The following TP63 variants were observed in gnomAD, a reference collection of about 807,000 sequenced individuals.
TP63 encodes tumor protein 63.
Under a neutral mutation model 82.8 loss-of-function variants are expected in TP63, and 17 were observed. That is an observed-to-expected ratio of 0.21 (90% CI 0.14 to 0.31). The LOEUF (loss-of-function observed/expected upper bound fraction) is 0.31. Among genes scored for constraint, TP63 ranks in the 10% least tolerant of loss-of-function variants. The pLI is 1.00. For synonymous variants in TP63, 330 were observed against 321.7 expected, an observed-to-expected ratio of 1.03 and a Z score of -0.28; for missense variants, 648 against 895.3, an observed-to-expected ratio of 0.72 and a Z score of 3.52.
intron 1 of TP63, among the ~76,000 whole-genome samples, chr3:189,730,208 G>A (rs1720061321): frequency 1.3e-5 from 2 of 152,140 alleles, no homozygotes; most frequent in Admixed American, 1.3e-4. Context: ...GAGGGCTCAA[G>A]TTTCCTTGAG....
At chr3:189,717,133 T>A (rs1279050690) in intron 1 of TP63, among the ~76,000 whole-genome samples, 1 of 152,016 alleles carries the variant, frequency 6.6e-6, no homozygotes, top group Admixed American at 6.6e-5. Context: ...CACTATCAAT[T>A]GCAACAACTG....
intron 13 of TP63, 86 bp downstream of exon 13, chr3:189,890,968 G>A (rs1407039480): frequency 2.2e-6 from 3 of 1,374,836 alleles, no homozygotes; most frequent in Non-Finnish European, 2.0e-6. Flanking sequence ...ATCCCTGATA[G>A]TTTAAAAATT....
intron 3 of TP63, among the ~76,000 whole-genome samples, chr3:189,801,363 T>C (rs1726287805): frequency 6.6e-6 from 1 of 152,172 alleles, no homozygotes; most frequent in Admixed American, 6.5e-5. Flanking sequence ...GAATTAAAAA[T>C]TATTAAATAT....
At chr3:189,654,453 A>ATG (rs1393555448) in intron 1 of TP63, among the ~76,000 whole-genome samples, 2 of 152,188 alleles carry the variant, frequency 1.3e-5, no homozygotes, top group Non-Finnish European at 2.9e-5. Context: ...AAAGAAGCTC[A>ATG]TGTTACTATT....
chr3:189,601,861 C>T, the TP63 span, among the ~76,000 whole-genome samples: 28 of 152,122 alleles, frequency 1.8e-4, no homozygotes, highest in African/African-American at 6.8e-4. Context: ...CTTCCAGCTT[C>T]CAATAAGAAG....
intron 4 of TP63, among the ~76,000 whole-genome samples, chr3:189,826,492 A>T (rs1376586498): frequency 6.6e-6 from 1 of 152,222 alleles, no homozygotes; most frequent in Non-Finnish European, 1.5e-5. Context: ...TATTTGAGGG[A>T]AATATTCGTA....
Position 189,672,714 on chromosome 3 carries a change from AAGGCAGGC to A in TP63, c.62+41145_62+41152del, listed in dbSNP as rs879629061. Reference sequence around the variant, plus strand: ...GAAGGAAGGAAGGAAGGAAAGAAGGAAGGCAGGCAGGCAGGTAAAAAGAAGAAGAGATT... The same window carrying A: ...GAAGGAAGGAAGGAAGGAAAGAAGGAAGGCAGGTAAAAAGAAGAAGAGATT... On this transcript the variant is annotated intron_variant, in intron 1 of 13. Coordinates refer to ENST00000264731, the MANE Select transcript of TP63 (RefSeq NM_003722.5). Among the ~76,000 whole-genome samples, 758 of 144,354 alleles carry A rather than the reference AAGGCAGGC, an allele frequency of 5.3e-3. 2 individuals carry two copies. Among genetic ancestry groups the A allele is most frequent in the Middle Eastern group, 0.011 (3 of 266 alleles). The allele number at this position is 144,354 out of a possible 152,430, so 94.7% of individuals were successfully genotyped here.
chr3:189,605,220 C>G, the TP63 span, among the ~76,000 whole-genome samples: 3 of 152,188 alleles, frequency 2.0e-5, no homozygotes, highest in Non-Finnish European at 4.4e-5. Context: ...GAAGGAAACT[C>G]AGGCTTATAA....
intron 4 of TP63, among the ~76,000 whole-genome samples, chr3:189,825,067 A>T (rs1253521929): frequency 6.6e-6 from 1 of 152,224 alleles, no homozygotes; most frequent in Non-Finnish European, 1.5e-5. Flanking sequence ...AGAAGGTAAA[A>T]TGGTGTGTTT....
rs1160393755 is a variant in TP63 at position 189,682,545 on chromosome 3, AAAAAAAAAATATATATATATATATATAT to A, written c.62+50970_62+50997del. Among the ~76,000 whole-genome samples, 94 of 71,236 alleles carry A rather than the reference AAAAAAAAAATATATATATATATATATAT, an allele frequency of 1.3e-3. 1 individual carries two copies. The highest frequency in any genetic ancestry group is 5.1e-3 in the African/African-American group (83 of 16,332). 46.7% of individuals were successfully genotyped at this position (71,236 alleles called of 152,430 possible). A position where few individuals can be genotyped will look rare whatever the true frequency, so the allele number is the denominator to read the frequency against. On this transcript the variant is annotated intron_variant, in intron 1 of 13. Coordinates refer to ENST00000264731, the MANE Select transcript of TP63 (RefSeq NM_003722.5). The stretch of plus-strand genomic sequence containing the variant: ...GACTTGGTCCTAAGGGGAAAAAAAA[AAAAAAAAAATATATATATATATATATAT>A]ATATATATATATATATATATATCCT...
At chr3:189,607,027 C>T in the TP63 span, among the ~76,000 whole-genome samples, 1 of 151,938 alleles carries the variant, frequency 6.6e-6, no homozygotes, top group Non-Finnish European at 1.5e-5. Flanking sequence ...TTGGAGAGGC[C>T]CATGTGGTGA....
At chr3:189,833,503 T>C (rs1482078468) in intron 4 of TP63, among the ~76,000 whole-genome samples, 3 of 152,208 alleles carry the variant, frequency 2.0e-5, no homozygotes, top group Non-Finnish European at 4.4e-5. Flanking sequence ...GGGACTTATA[T>C]GTATTTTCAT....
chr3:189,871,536 T>G (rs1226161730), intron 9 of TP63, among the ~76,000 whole-genome samples: 1 of 151,910 alleles, frequency 6.6e-6, no homozygotes, highest in African/African-American at 2.4e-5. Context: ...CAACAAAAGG[T>G]GGAGAACATT....
At chr3:189,688,792 T>G (rs1165849639) in intron 1 of TP63, among the ~76,000 whole-genome samples, 5 of 152,210 alleles carry the variant, frequency 3.3e-5, no homozygotes, top group Admixed American at 2.6e-4. Flanking sequence ...GGATTTTTGT[T>G]TATAGCAGGT....
intron 3 of TP63, among the ~76,000 whole-genome samples, chr3:189,768,324 C>T (rs1385085209): frequency 6.6e-6 from 1 of 152,062 alleles, no homozygotes; most frequent in East Asian, 1.9e-4. Context: ...TTTAAATAAA[C>T]ACAATTTAAG....
chr3:189,620,506 CA>C, the TP63 span, among the ~76,000 whole-genome samples: 3 of 69,004 alleles, frequency 4.3e-5, no homozygotes, highest in East Asian at 1.2e-3. Flanking sequence ...AAGACTCCAT[CA>C]AAAAAAAAAC....
chr3:189,736,607 G>T (rs1720612816), intron 1 of TP63, among the ~76,000 whole-genome samples: 1 of 152,112 alleles, frequency 6.6e-6, no homozygotes, highest in African/African-American at 2.4e-5. Context: ...AGATGAGACA[G>T]TATTATACAC....
intron 1 of TP63, among the ~76,000 whole-genome samples, chr3:189,735,811 C>T (rs1216164565): frequency 3.9e-5 from 6 of 152,046 alleles, no homozygotes; most frequent in African/African-American, 1.2e-4. Flanking sequence ...CTACTCCACA[C>T]GTGTGATAAA....
intron 4 of TP63, among the ~76,000 whole-genome samples, chr3:189,827,735 A>G (rs1711626664): frequency 1.3e-5 from 2 of 152,202 alleles, no homozygotes; most frequent in African/African-American, 2.4e-5. Flanking sequence ...AAATGAGGCT[A>G]GAGAGAAGTC....
Sources: allele counts gnomAD v4.1 joint callset (sites outside exome capture counted in the v4.1 genomes callset), GRCh38; gene constraint gnomAD v4.1.1; transcripts MANE v1.5; gene names NCBI Gene and HGNC (gene_info 2026-07-23, HGNC 2026-07-21).